ZNF23: variants seen among roughly 807,000 people sequenced by gnomAD.
The protein encoded by ZNF23 is zinc finger protein 23.
A neutral mutation model predicts 56.2 loss-of-function variants in ZNF23; 48 were observed. The observed-to-expected ratio is 0.85, with a 90% CI of 0.68 to 1.09. The LOEUF is 1.09. Among genes scored for constraint, ZNF23 ranks in the 50% least tolerant of loss-of-function variants. ZNF23 has a pLI of 0.00. For synonymous variants in ZNF23, 266 were observed against 283.3 expected (o/e 0.94, Z 0.61); for missense variants, 805 against 811.4 (o/e 0.99, Z 0.10).
chr16:71,459,512 T>TA (rs1345175295), intron 1 of ZNF23, among the ~76,000 whole-genome samples: 3 of 152,242 alleles, frequency 2.0e-5, no homozygotes, highest in Non-Finnish European at 2.9e-5. Context: ...TGGGGAAGCT[T>TA]AGACTACAAA....
intron 1 of ZNF23, among the ~76,000 whole-genome samples, chr16:71,458,277 T>C (rs138490897): frequency 6.6e-6 from 1 of 152,372 alleles, no homozygotes; most frequent in East Asian, 1.9e-4. Flanking sequence ...TTCTGACTTT[T>C]ACTGCCCCTA....
intron 4 of ZNF23, 65 bp downstream of exon 4, chr16:71,453,178 C>A (rs550095237): frequency 1.6e-6 from 2 of 1,219,384 alleles, no homozygotes; most frequent in East Asian, 5.0e-5. Context: ...TTATATGTTG[C>A]TAAAGCTGGC....
At chr16:71,453,555 T>C (rs1230442914) in intron 3 of ZNF23, 7 of 526,300 alleles carry the variant, frequency 1.3e-5, no homozygotes, top group Non-Finnish European at 2.4e-5. Flanking sequence ...GGGAGGCAAA[T>C]GTGGGGGTTG....
At chr16:71,460,274 G>A (rs1354872724) in intron 1 of ZNF23, among the ~76,000 whole-genome samples, 1 of 151,980 alleles carries the variant, frequency 6.6e-6, no homozygotes, top group Non-Finnish European at 1.5e-5. Context: ...AGCTGGACTC[G>A]TCCAAGGCAT....
intron 1 of ZNF23, among the ~76,000 whole-genome samples, chr16:71,460,923 A>C (rs2043423939): frequency 1.3e-5 from 2 of 152,142 alleles, no homozygotes; most frequent in Non-Finnish European, 2.9e-5. Flanking sequence ...TACATCGATA[A>C]ATTTTCATAC....
At chr16:71,456,064 T>C (rs905455777) in intron 2 of ZNF23, 2 of 456,276 alleles carry the variant, frequency 4.4e-6, no homozygotes, top group Admixed American at 2.4e-5. Flanking sequence ...CTGTGGACTG[T>C]TCCCAACCTG....
intron 3 of ZNF23, 79 bp from the exon 4 acceptor site, chr16:71,453,429 C>T: frequency 1.8e-6 from 2 of 1,121,048 alleles, no homozygotes; most frequent in Non-Finnish European, 2.6e-6. Context: ...CTCAGACTGT[C>T]TCAGCAATGG....
rs758927596 is a variant in ZNF23 at position 71,454,102 on chromosome 16, C to G, written c.100G>C (p.Ala34Pro). 2 of 1,614,122 alleles carry G rather than the reference C, an allele frequency of 1.2e-6. No homozygotes were observed. The highest frequency in any genetic ancestry group is 2.2e-5 in the South Asian group (2 of 91,084). ...TQAEWDGLSP[A>P]QRTLYRDVML... ...ACATCCCTGTACAGGGTCCTCTGTG[C>G]AGGGGACAGGCCATCCCATTCCGCC... Residue 34 changes from alanine (A) to proline (P), a missense_variant, in exon 3 of 5, where the codon GCA becomes CCA. By Grantham distance (27) the Ala-to-Pro change is conservative (BLOSUM62 -1). Transcript: ENST00000647773.
At chr16:71,454,208 T>C (rs752062431) in intron 2 of ZNF23, 40 bp from the exon 3 acceptor site, 17 of 1,597,098 alleles carry the variant, frequency 1.1e-5, no homozygotes, top group Non-Finnish European at 1.4e-5. Context: ...GCCAATTCCA[T>C]AGCTCAGGCC....
intron 2 of ZNF23, among the ~76,000 whole-genome samples, chr16:71,456,284 G>A (rs1216339473): frequency 6.6e-6 from 1 of 152,104 alleles, no homozygotes; most frequent in Non-Finnish European, 1.5e-5. Context: ...TCCGTCCCAT[G>A]TGACTGTCTT....
At chr16:71,460,931 T>TA (rs1305951148) in intron 1 of ZNF23, among the ~76,000 whole-genome samples, 2 of 152,162 alleles carry the variant, frequency 1.3e-5, no homozygotes, top group Admixed American at 6.5e-5. Context: ...TAAATTTTCA[T>TA]ACAGTTTTTA....
chr16:71,453,218 A>G (rs759548967), intron 4 of ZNF23, 25 bp downstream of exon 4: 2 of 1,545,184 alleles, frequency 1.3e-6, no homozygotes, highest in Middle Eastern at 3.4e-4. Context: ...ATTCCAACAG[A>G]GTGGGAAATA....
chr16:71,450,117 G>A, intron 4 of ZNF23: 1 of 360,952 alleles, frequency 2.8e-6, no homozygotes, highest in Non-Finnish European at 4.9e-6. Context: ...ACAATCAAAT[G>A]GAAAAACAAG....
chr16:71,450,779 A>G (rs2043032757), intron 4 of ZNF23: 2 of 395,382 alleles, frequency 5.1e-6, no homozygotes, highest in Non-Finnish European at 1.0e-5. Context: ...CCAGCTCAGC[A>G]TTCTTTTAAT....
At chr16:71,460,848 A>T (rs1376866897) in intron 1 of ZNF23, among the ~76,000 whole-genome samples, 1 of 151,910 alleles carries the variant, frequency 6.6e-6, no homozygotes, top group African/African-American at 2.4e-5. Flanking sequence ...GGAAGTACGT[A>T]CAAAAATATT....
intron 2 of ZNF23, 43 bp from the exon 3 acceptor site, chr16:71,454,211 C>A: frequency 1.3e-6 from 2 of 1,594,086 alleles, no homozygotes; most frequent in African/African-American, 2.7e-5. Flanking sequence ...AATTCCATAG[C>A]TCAGGCCCTA....
At position 71,447,609 on chromosome 16, in the gene ZNF23, T is replaced by C. The variant is rs8063547; in HGVS notation, c.*484A>G. ...ATGTACTCATACCTTTTTCCTTTTT[T>C]AAATAAATCTTTATTTTTCATCTTT... On this transcript the variant is annotated 3_prime_UTR_variant, in exon 5 of 5. Transcript: ENST00000647773. 4,553 of 152,408 alleles carry C rather than the reference T, an allele frequency of 0.03. 223 individuals are homozygous for C. Among genetic ancestry groups the C allele is most frequent in the African/African-American group, 0.1 (4,263 of 41,436 alleles). 9.4% of individuals were successfully genotyped at this position (152,408 alleles called of 1,614,324 possible).
At chr16:71,455,391 C>G (rs2043192474) in intron 2 of ZNF23, among the ~76,000 whole-genome samples, 1 of 152,016 alleles carries the variant, frequency 6.6e-6, no homozygotes, top group Non-Finnish European at 1.5e-5. Context: ...GAGTCTCGCT[C>G]TGTCACCCAG....
chr16:71,459,077 C>A (rs906308755), intron 1 of ZNF23, among the ~76,000 whole-genome samples: 2 of 152,236 alleles, frequency 1.3e-5, no homozygotes, highest in Non-Finnish European at 2.9e-5. Context: ...CATCCTCAGT[C>A]CAGTTCTACA....
Sources: allele counts gnomAD v4.1 joint callset (sites outside exome capture counted in the v4.1 genomes callset), GRCh38; gene constraint gnomAD v4.1.1; transcripts MANE v1.5; gene names NCBI Gene and HGNC (gene_info 2026-07-23, HGNC 2026-07-21).